Variants in MYT1L observed in about 807,000 individuals in gnomAD.
The protein encoded by MYT1L is myelin transcription factor 1-like protein.
In MYT1L, 12 loss-of-function variants were observed where a neutral mutation model predicts 126.7. The ratio of observed to expected loss-of-function variants is 0.09; its 90% CI spans 0.06 to 0.15. The LOEUF (loss-of-function observed/expected upper bound fraction) is 0.15. Ranked by LOEUF, MYT1L falls within the 10% of genes least tolerant of loss-of-function variation. The probability of loss-of-function intolerance (pLI) is 1.00; values close to 1 mark genes in which losing one functional copy is unlikely to be tolerated. For synonymous variants in MYT1L, 541 were observed against 604.2 expected (o/e 0.90, Z 1.53); for missense variants, 979 against 1,585.2 (o/e 0.62, Z 6.49).
At chr2:1,880,766 C>G (rs917031636) in intron 18 of MYT1L, among the ~76,000 whole-genome samples, 4 of 152,124 alleles carry the variant, frequency 2.6e-5, no homozygotes, top group Admixed American at 2.6e-4. Flanking sequence ...TCTGCGTTTT[C>G]TTTTGCACAA....
chr2:2,290,202 T>C (rs2095579230), intron 1 of MYT1L, among the ~76,000 whole-genome samples: 1 of 152,214 alleles, frequency 6.6e-6, no homozygotes, highest in Non-Finnish European at 1.5e-5. Context: ...GTGCTCTGTA[T>C]ATCTGAGAGT....
rs1409376142 is a variant in MYT1L at position 2,061,546 on chromosome 2, C to A, written c.-303-7423G>T. The stretch of plus-strand genomic sequence containing the variant: ...AGGGAAGGAGCATTTTGTCAGTTAC[C>A]AAATGTGTTTATTACCAGAGGGATG... On this transcript the variant is annotated intron_variant, in intron 3 of 24. Coordinates refer to ENST00000647738, the MANE Select transcript of MYT1L (RefSeq NM_001303052.2). Among the ~76,000 whole-genome samples, 3 of 152,236 alleles carry A rather than the reference C, an allele frequency of 2.0e-5. No homozygotes were observed. In the East Asian group the frequency reaches 5.8e-4, roughly 29 times the overall value.
chr2:2,101,077 G>A (rs916020187), intron 3 of MYT1L, among the ~76,000 whole-genome samples: 2 of 152,140 alleles, frequency 1.3e-5, no homozygotes, highest in Admixed American at 6.5e-5. Context: ...CCTGAGCTTT[G>A]ATTGAATTTG....
intron 21 of MYT1L, among the ~76,000 whole-genome samples, chr2:1,812,730 G>T (rs1036455225): frequency 6.6e-6 from 1 of 152,076 alleles, no homozygotes; most frequent in African/African-American, 2.4e-5. Context: ...ACAAAAATTA[G>T]CTGGGCGTGG....
intron 18 of MYT1L, among the ~76,000 whole-genome samples, chr2:1,871,381 T>C (rs761794971): frequency 6.6e-6 from 1 of 152,230 alleles, no homozygotes; most frequent in Non-Finnish European, 1.5e-5. Context: ...CCCTCCTATC[T>C]CTGCTCCTCA....
intron 14 of MYT1L, among the ~76,000 whole-genome samples, chr2:1,897,782 A>T (rs772393727): frequency 2.6e-5 from 4 of 151,752 alleles, no homozygotes; most frequent in Non-Finnish European, 5.9e-5. Flanking sequence ...TTTTGATCAA[A>T]TTTTTTTTCA....
chr2:2,295,677 G>GAGAC (rs1310450953), intron 1 of MYT1L, among the ~76,000 whole-genome samples: 1 of 103,828 alleles, frequency 9.6e-6, no homozygotes, highest in Non-Finnish European at 2.1e-5. Context: ...GAGAGAGAGA[G>GAGAC]AGACAGACAG....
At chr2:2,029,668 T>C (rs2066021403) in intron 4 of MYT1L, among the ~76,000 whole-genome samples, 1 of 152,194 alleles carries the variant, frequency 6.6e-6, no homozygotes, top group South Asian at 2.1e-4. Flanking sequence ...TTTCCACACA[T>C]GAAATGACTT....
At chr2:1,939,538 T>C (rs1254484527) in intron 9 of MYT1L, among the ~76,000 whole-genome samples, 1 of 152,240 alleles carries the variant, frequency 6.6e-6, no homozygotes, top group Non-Finnish European at 1.5e-5. Context: ...CATTTACATT[T>C]GTTGATAGTG....
At chr2:1,893,350 A>C (rs2049167091) in intron 14 of MYT1L, among the ~76,000 whole-genome samples, 1 of 152,152 alleles carries the variant, frequency 6.6e-6, no homozygotes. Context: ...TCAGAGGTGG[A>C]CCTGGTCTCT....
chr2:1,865,436 C>A (rs1162692286), intron 18 of MYT1L, among the ~76,000 whole-genome samples: 2 of 152,108 alleles, frequency 1.3e-5, no homozygotes, highest in East Asian at 3.9e-4. Context: ...CTTGGTGTGG[C>A]GTGTGTTCAG....
At chr2:2,237,540 T>G (rs1011576744) in intron 2 of MYT1L, among the ~76,000 whole-genome samples, 3 of 152,242 alleles carry the variant, frequency 2.0e-5, no homozygotes, top group African/African-American at 7.2e-5. Flanking sequence ...TGTTTTAAGT[T>G]GCTTAAAATG....
At chr2:2,242,103 A>T (rs774188815) in intron 2 of MYT1L, among the ~76,000 whole-genome samples, 8 of 152,206 alleles carry the variant, frequency 5.3e-5, no homozygotes, top group African/African-American at 7.2e-5. Flanking sequence ...GAGGAAAAGG[A>T]AAAGGAAAAA....
intron 9 of MYT1L, among the ~76,000 whole-genome samples, chr2:1,936,974 G>C (rs868621750): frequency 6.6e-6 from 1 of 152,178 alleles, no homozygotes; most frequent in Non-Finnish European, 1.5e-5. Flanking sequence ...TCTGTGAGAA[G>C]GAATTTTTAT....
chr2:1,860,177 G>A (rs1343443501), intron 18 of MYT1L, among the ~76,000 whole-genome samples: 9 of 152,226 alleles, frequency 5.9e-5, no homozygotes, highest in Admixed American at 5.9e-4. Flanking sequence ...ACATCCTGAC[G>A]TCCCATTCAC....
chr2:2,098,156 C>T (rs999595725), intron 3 of MYT1L, among the ~76,000 whole-genome samples: 1 of 152,122 alleles, frequency 6.6e-6, no homozygotes, highest in Non-Finnish European at 1.5e-5. Flanking sequence ...CTCAGATATT[C>T]CTTTGTAGTG....
At chr2:2,178,749 G>A (rs2091101961) in intron 2 of MYT1L, among the ~76,000 whole-genome samples, 1 of 152,132 alleles carries the variant, frequency 6.6e-6, no homozygotes. Context: ...AGTGCAGCCT[G>A]CCTCTTCATT....
At chr2:1,973,304 T>TTTTGATTATTCCTA (rs1269796488) in intron 8 of MYT1L, among the ~76,000 whole-genome samples, 2 of 152,204 alleles carry the variant, frequency 1.3e-5, no homozygotes, top group Non-Finnish European at 2.9e-5. Flanking sequence ...TATTAACAAA[T>TTTTGATTATTCCTA]TTTGATTATT....
chr2:2,322,277 C>T (rs1276051757), intron 1 of MYT1L, among the ~76,000 whole-genome samples: 1 of 151,856 alleles, frequency 6.6e-6, no homozygotes, highest in South Asian at 2.1e-4. Context: ...CCAATGTTGC[C>T]TACACAGGGT....
Sources: gnomAD v4.1 joint callset for allele counts (sites outside exome capture counted in the v4.1 genomes callset) on GRCh38, gnomAD v4.1.1 for gene constraint, MANE v1.5 for transcripts, NCBI Gene and HGNC (gene_info 2026-07-23, HGNC 2026-07-21) for gene names.